COBL: variants seen among roughly 807,000 people sequenced by gnomAD.
The protein encoded by COBL is protein cordon-bleu.
In COBL, 51 loss-of-function variants were observed where a neutral mutation model predicts 98.8. The observed-to-expected ratio is 0.52, with a 90% CI of 0.41 to 0.65. COBL has a LOEUF of 0.65. Among genes scored for constraint, COBL ranks in the 30% least tolerant of loss-of-function variants. The pLI, the probability that COBL is intolerant of heterozygous loss-of-function variation, is 0.00. For missense variants in COBL, 1,617 were observed against 1,617.5 expected, an observed-to-expected ratio of 1.00 and a Z score of 0.01; for synonymous variants, 634 against 651.7, an observed-to-expected ratio of 0.97 and a Z score of 0.41.
intron 1 of COBL, among the ~76,000 whole-genome samples, chr7:51,256,267 T>C (rs994490810): frequency 6.6e-6 from 1 of 152,234 alleles, no homozygotes; most frequent in South Asian, 2.1e-4. Flanking sequence ...CTATATATAC[T>C]GTAGCACACT....
chr7:51,153,110 C>T (rs1339827609), intron 5 of COBL, among the ~76,000 whole-genome samples: 2 of 152,104 alleles, frequency 1.3e-5, no homozygotes, highest in African/African-American at 2.4e-5. Flanking sequence ...TCTGTGGGTC[C>T]CAGCTGCCAT....
In COBL at chr7:51,107,446, A is replaced by G. The variant is rs114983861; in HGVS notation, c.958-22142T>C. Among the ~76,000 whole-genome samples, 1,089 of 152,320 alleles carry G rather than the reference A, an allele frequency of 7.1e-3. 13 individuals are homozygous for G. The highest frequency in any genetic ancestry group is 0.025 in the African/African-American group (1,057 of 41,560). On this transcript the variant is annotated intron_variant, in intron 6 of 12. Coordinates refer to ENST00000265136, the MANE Select transcript of COBL (RefSeq NM_015198.5). ...TCTCTTCATATTTTCCAATATGTATATCCCAGTTCAGTAAATATTATACAA... is the reference window on the plus strand; with the variant it reads ...TCTCTTCATATTTTCCAATATGTATGTCCCAGTTCAGTAAATATTATACAA...
At chr7:51,121,865 C>A (rs887693455) in intron 6 of COBL, among the ~76,000 whole-genome samples, 2 of 152,164 alleles carry the variant, frequency 1.3e-5, no homozygotes, top group Non-Finnish European at 2.9e-5. Context: ...ACTCTTCCAG[C>A]AGTTTCCCTT....
At chr7:51,212,461 A>G (rs1215896074) in intron 2 of COBL, among the ~76,000 whole-genome samples, 1 of 152,190 alleles carries the variant, frequency 6.6e-6, no homozygotes, top group Admixed American at 6.5e-5. Context: ...GACCCTGGCC[A>G]ATTAATGAAT....
In COBL at chr7:51,029,069, C is replaced by T; in HGVS notation, c.2027G>A (p.Ser676Asn). The change falls in exon 10 of 13, where the codon AGC (serine) becomes AAC (asparagine). Residue 676 changes from serine to asparagine, a missense_variant. Coordinates refer to ENST00000265136, the MANE Select transcript of COBL (RefSeq NM_015198.5). ...TGCCAAGGCAGCGTTTTTATCGTTGCTGTCCTTTTCATTCACCGGTTGGGA... is the reference window on the plus strand; with the variant it reads ...TGCCAAGGCAGCGTTTTTATCGTTGTTGTCCTTTTCATTCACCGGTTGGGA... ...VNSQPVNEKD[S>N]NDKNAALAPT... 1 of 1,614,158 alleles carries T rather than the reference C, an allele frequency of 6.2e-7. No individual in the cohort carries two copies. The highest frequency in any genetic ancestry group is 1.3e-5 in the African/African-American group (1 of 75,020).
chr7:51,108,960 C>A (rs1256252384), intron 6 of COBL, among the ~76,000 whole-genome samples: 2 of 86,628 alleles, frequency 2.3e-5, no homozygotes, highest in African/African-American at 7.7e-5. Context: ...ACACACACCC[C>A]CTGCCCCATG....
intron 7 of COBL, among the ~76,000 whole-genome samples, chr7:51,054,942 G>A (rs1208829555): frequency 6.6e-6 from 1 of 152,130 alleles, no homozygotes; most frequent in Non-Finnish European, 1.5e-5. Flanking sequence ...AAGGTGGTCC[G>A]CTATCCAGGA....
intron 10 of COBL, 86 bp from the exon 11 acceptor site, chr7:51,026,751 G>C: frequency 2.0e-6 from 3 of 1,487,544 alleles, no homozygotes; most frequent in Non-Finnish European, 9.2e-7. Flanking sequence ...CCCACTCATG[G>C]GCCAGGCACG....
intron 7 of COBL, chr7:51,082,920 A>G (rs928554976): frequency 3.8e-6 from 3 of 782,870 alleles, no homozygotes; most frequent in Non-Finnish European, 4.2e-6. Flanking sequence ...TGCATTCAGC[A>G]TTGGGAAACA....
chr7:51,136,360 A>C, intron 5 of COBL, 29 bp from the exon 6 acceptor site: 1 of 1,597,094 alleles, frequency 6.3e-7, no homozygotes, highest in Non-Finnish European at 8.5e-7. Context: ...ACAGAAAACC[A>C]AATCAGTATG....
intron 1 of COBL, among the ~76,000 whole-genome samples, chr7:51,241,215 A>G (rs1347139303): frequency 1.3e-5 from 2 of 152,242 alleles, no homozygotes; most frequent in Admixed American, 6.5e-5. Context: ...AAATGCTTCA[A>G]TGAAGTCTCA....
intron 1 of COBL, among the ~76,000 whole-genome samples, chr7:51,237,526 CT>C (rs1193087433): frequency 3.7e-4 from 43 of 116,110 alleles, no homozygotes; most frequent in African/African-American, 9.9e-4. Flanking sequence ...TCCCTTAACC[CT>C]TTTTTTTTCT....
intron 2 of COBL, among the ~76,000 whole-genome samples, chr7:51,207,812 T>C (rs557938282): frequency 1.6e-3 from 244 of 152,302 alleles, no homozygotes; most frequent in African/African-American, 5.7e-3. Flanking sequence ...TGCCTTGGCC[T>C]CCCAAAGTGC....
intron 1 of COBL, among the ~76,000 whole-genome samples, chr7:51,251,802 A>T (rs1321903063): frequency 6.6e-6 from 1 of 152,206 alleles, no homozygotes; most frequent in Non-Finnish European, 1.5e-5. Context: ...TGGTACAATG[A>T]ACTACCCTCA....
chr7:51,141,443 A>C (rs1453513363), intron 5 of COBL, among the ~76,000 whole-genome samples: 1 of 152,114 alleles, frequency 6.6e-6, no homozygotes, highest in African/African-American at 2.4e-5. Context: ...AGACAGAGCT[A>C]CTCAAGATGG....
At chr7:51,296,367 T>C (rs536613449) in intron 1 of COBL, among the ~76,000 whole-genome samples, 1 of 152,314 alleles carries the variant, frequency 6.6e-6, no homozygotes, top group Admixed American at 6.5e-5. Context: ...CATACACATA[T>C]TATTTTAATG....
intron 6 of COBL, among the ~76,000 whole-genome samples, chr7:51,126,879 C>A (rs1002442937): frequency 2.0e-5 from 3 of 152,178 alleles, no homozygotes; most frequent in African/African-American, 7.2e-5. Flanking sequence ...TCACCAGAGA[C>A]CTCCCTCCAG....
chr7:51,182,669 G>C (rs1789101492), intron 5 of COBL, among the ~76,000 whole-genome samples: 1 of 151,164 alleles, frequency 6.6e-6, no homozygotes, highest in African/African-American at 2.4e-5. Flanking sequence ...AAGAGAGGGG[G>C]AGAGGAAGGG....
At chr7:51,139,677 T>C (rs1171192946) in intron 5 of COBL, among the ~76,000 whole-genome samples, 1 of 152,192 alleles carries the variant, frequency 6.6e-6, no homozygotes, top group Non-Finnish European at 1.5e-5. Context: ...GTCCAGCGAA[T>C]ACTTGTGCTT....
Sources: gnomAD v4.1 joint callset for allele counts (sites outside exome capture counted in the v4.1 genomes callset) on GRCh38, gnomAD v4.1.1 for gene constraint, MANE v1.5 for transcripts, NCBI Gene and HGNC (gene_info 2026-07-23, HGNC 2026-07-21) for gene names.